The following KLHL2 variants were observed in gnomAD, a reference collection of about 807,000 sequenced individuals.
KLHL2 encodes kelch-like protein 2.
Under a neutral mutation model 75.8 loss-of-function variants are expected in KLHL2, and 15 were observed. The observed-to-expected ratio is 0.20, with a 90% CI of 0.13 to 0.30. The LOEUF (loss-of-function observed/expected upper bound fraction) is 0.30. KLHL2 is among the 10% of genes least tolerant of loss of function. KLHL2 has a pLI of 1.00. For synonymous variants in KLHL2, 214 were observed against 251.9 expected, an observed-to-expected ratio of 0.85 and a Z score of 1.42; for missense variants, 381 against 741.0, an observed-to-expected ratio of 0.51 and a Z score of 5.64.
At chr4:165,210,321 C>G in intron 1 of KLHL2, 1 of 870,734 alleles carries the variant, frequency 1.1e-6, no homozygotes, top group Non-Finnish European at 1.9e-6. Flanking sequence ...TTGTTCTCCA[C>G]TGGCCTGTTG....
chr4:165,297,916 C>T (rs571709634), intron 7 of KLHL2, among the ~76,000 whole-genome samples, 191 bp downstream of exon 7: 15 of 152,266 alleles, frequency 9.9e-5, no homozygotes, highest in African/African-American at 3.1e-4. Flanking sequence ...CTCCACCTCC[C>T]GGGCTCAAGT....
At chr4:165,296,484 A>G (rs978206286) in intron 6 of KLHL2, among the ~76,000 whole-genome samples, 1 of 152,146 alleles carries the variant, frequency 6.6e-6, no homozygotes, top group African/African-American at 2.4e-5. Context: ...TCCGCACTCT[A>G]CTGGTTAACA....
At chr4:165,268,162 C>T (rs754022224) in intron 5 of KLHL2, among the ~76,000 whole-genome samples, 9 of 152,056 alleles carry the variant, frequency 5.9e-5, no homozygotes, top group East Asian at 1.9e-4. Context: ...GTGATATCCC[C>T]GTTATCATTT....
At position 165,207,566 on chromosome 4, in the gene KLHL2, C is replaced by G. The variant is rs1041063872; in HGVS notation, c.-311C>G. 1 of 150,258 alleles carries G rather than the reference C, an allele frequency of 6.7e-6. No homozygotes were observed. Among genetic ancestry groups the G allele is most frequent in the East Asian group, 2.0e-4 (1 of 5,128 alleles). 9.3% of individuals were successfully genotyped at this position (150,258 alleles called of 1,614,324 possible). A position where few individuals can be genotyped will look rare whatever the true frequency, so the allele number is the denominator to read the frequency against. Reference sequence around the variant, plus strand: ...GCCGCGGGAGGCCGCATCGCAGTCCCGTCACAGCGTCGGCGCCGGCCGGGG... The same window carrying G: ...GCCGCGGGAGGCCGCATCGCAGTCCGGTCACAGCGTCGGCGCCGGCCGGGG... On this transcript the variant is annotated 5_prime_UTR_variant, in exon 1 of 15. Coordinates refer to ENST00000226725, the MANE Select transcript of KLHL2 (RefSeq NM_007246.4). The surrounding 1 kb of genome is among the most constrained non-coding windows in gnomAD (Gnocchi z 4.2).
At position 165,322,264 on chromosome 4, in the gene KLHL2, G is replaced by T; in HGVS notation, c.*204G>T. 1 of 548,112 alleles carries T rather than the reference G, an allele frequency of 1.8e-6. No individual in the cohort carries two copies. The highest frequency in any genetic ancestry group is 3.2e-6 in the Non-Finnish European group (1 of 309,132). 34.0% of individuals were successfully genotyped at this position (548,112 alleles called of 1,614,324 possible). A position where few individuals can be genotyped will look rare whatever the true frequency, so the allele number is the denominator to read the frequency against. Reference sequence around the variant, plus strand: ...GTGTAGGCTTTTTCTGCAATGAGCAGCAGCTGACTGAATTTTCATAAGAAA... The same window carrying T: ...GTGTAGGCTTTTTCTGCAATGAGCATCAGCTGACTGAATTTTCATAAGAAA... On this transcript the variant is annotated 3_prime_UTR_variant, in exon 15 of 15. Transcript: ENST00000226725.
intron 5 of KLHL2, among the ~76,000 whole-genome samples, chr4:165,271,025 G>A (rs147823421): frequency 1.2e-4 from 19 of 152,156 alleles, no homozygotes; most frequent in African/African-American, 4.1e-4. Context: ...ATATGCCAGT[G>A]CCATACTGTT....
intron 4 of KLHL2, among the ~76,000 whole-genome samples, chr4:165,251,901 G>T (rs370518821): frequency 6.6e-6 from 1 of 152,052 alleles, no homozygotes; most frequent in African/African-American, 2.4e-5. Flanking sequence ...GAGCCACCGC[G>T]CCCGGCCCCA....
chr4:165,316,197 C>G (rs911056467), intron 13 of KLHL2, among the ~76,000 whole-genome samples: 3 of 152,294 alleles, frequency 2.0e-5, no homozygotes, highest in Middle Eastern at 6.8e-3. Flanking sequence ...GACCAACCTC[C>G]CTTTCTGCAG....
Position 165,310,631 on chromosome 4 carries a change from A to G in KLHL2, c.1118A>G (p.Tyr373Cys). The change falls in exon 10 of 15, where the codon TAC becomes TGC. Residue 373 changes from tyrosine (Y) to cysteine (C), a missense_variant. By Grantham distance (194) the Tyr-to-Cys change is radical. Transcript: ENST00000226725. ...GSLRVRTVDS[Y>C]DPVKDQWTSV... ...TTAAGAGTTCGCACTGTAGATTCCT[A>G]CGACCCTGTGAAGGACCAGTGGACC... 6.2e-7 allele frequency: 1 copy of G among 1,614,078 alleles called. No homozygotes were observed. The highest frequency in any genetic ancestry group is 8.5e-7 in the Non-Finnish European group (1 of 1,179,984).
At chr4:165,306,608 G>A (rs1745747004) in intron 9 of KLHL2, among the ~76,000 whole-genome samples, 2 of 152,174 alleles carry the variant, frequency 1.3e-5, no homozygotes, top group Non-Finnish European at 2.9e-5. Flanking sequence ...ACTCCTGACA[G>A]TACTTTGTAA....
chr4:165,305,029 G>A (rs1436182784), intron 8 of KLHL2, among the ~76,000 whole-genome samples: 6 of 152,126 alleles, frequency 3.9e-5, no homozygotes, highest in African/African-American at 9.7e-5. Context: ...TACATGTCCT[G>A]TTAGGTTGTT....
intron 5 of KLHL2, among the ~76,000 whole-genome samples, chr4:165,264,721 C>CATATAT (rs1187856274): frequency 0.01 from 734 of 71,018 alleles, 63 homozygotes; most frequent in East Asian, 0.021. Context: ...TATATATATA[C>CATATAT]ATATATATAT....
At chr4:165,225,419 A>G (rs370767641) in intron 2 of KLHL2, among the ~76,000 whole-genome samples, 2 of 152,318 alleles carry the variant, frequency 1.3e-5, no homozygotes, top group African/African-American at 4.8e-5. Context: ...ACAGTCCTTG[A>G]TAAGTGAATG....
chr4:165,284,077 A>G (rs1743900752), intron 5 of KLHL2, among the ~76,000 whole-genome samples: 1 of 152,024 alleles, frequency 6.6e-6, no homozygotes, highest in Non-Finnish European at 1.5e-5. Flanking sequence ...CTATGAAACC[A>G]CTTTTTCCTC....
In KLHL2 at chr4:165,279,776, T is replaced by G. The variant is rs1743514994; in HGVS notation, c.545-14583T>G. 11 of 762,600 alleles carry G rather than the reference T, an allele frequency of 1.4e-5. 1 individual carries two copies. Among genetic ancestry groups the G allele is most frequent in the Non-Finnish European group, 2.6e-5 (11 of 423,048 alleles). The allele number at this position is 762,600 out of a possible 1,614,324, so 47.2% of individuals were successfully genotyped here. The stretch of plus-strand genomic sequence containing the variant: ...CGCTGAACTAGCCTCACTTCTTTAC[T>G]GGCTGGCTAGCAGGCTACTGCGTTC... On this transcript the variant is annotated intron_variant, in intron 5 of 14. Coordinates refer to ENST00000226725, the MANE Select transcript of KLHL2 (RefSeq NM_007246.4).
At chr4:165,269,587 G>A (rs913908088) in intron 5 of KLHL2, among the ~76,000 whole-genome samples, 3 of 142,042 alleles carry the variant, frequency 2.1e-5, no homozygotes, top group African/African-American at 7.5e-5. Context: ...GAGTTTGGCT[G>A]GATATGAAAT....
intron 1 of KLHL2, among the ~76,000 whole-genome samples, chr4:165,217,178 T>G (rs1737605965): frequency 6.6e-6 from 1 of 152,208 alleles, no homozygotes; most frequent in African/African-American, 2.4e-5. Flanking sequence ...CCTTCTAAAT[T>G]ATTAAACTAG....
intron 7 of KLHL2, among the ~76,000 whole-genome samples, chr4:165,298,481 T>G (rs889341471): frequency 1.5e-5 from 2 of 130,120 alleles, no homozygotes; most frequent in South Asian, 2.5e-4. Flanking sequence ...AAATTTACTG[T>G]TTTTTTTATT....
Position 165,275,921 on chromosome 4 carries a change from G to C in KLHL2, c.544+12562G>C, listed in dbSNP as rs1399644292. On this transcript the variant is annotated intron_variant, in intron 5 of 14. Coordinates refer to ENST00000226725, the MANE Select transcript of KLHL2 (RefSeq NM_007246.4). ...AGATTGCTTGAGGCCTGGAGTTTGA[G>C]ACCAGCCTGGCCAACATGGTAAAAC... Among the ~76,000 whole-genome samples the C allele has an allele frequency of 3.3e-5, 5 of 151,868 alleles. No individual in the cohort carries two copies. In the East Asian group the frequency reaches 9.7e-4, roughly 29 times the overall value.
Sources: gnomAD v4.1 joint callset for allele counts (sites outside exome capture counted in the v4.1 genomes callset) on GRCh38, gnomAD v4.1.1 for gene constraint, Gnocchi (gnomAD v3.1) non-coding constraint, MANE v1.5 for transcripts, NCBI Gene and HGNC (gene_info 2026-07-23, HGNC 2026-07-21) for gene names.